UNC13B: variants seen among roughly 807,000 people sequenced by gnomAD.
UNC13B encodes protein unc-13 homolog B.
Under a neutral mutation model 211.0 loss-of-function variants are expected in UNC13B, and 144 were observed. The ratio of observed to expected loss-of-function variants is 0.68; its 90% confidence interval spans 0.60 to 0.78. The LOEUF (loss-of-function observed/expected upper bound fraction) is 0.78. Among genes scored for constraint, UNC13B ranks in the 30% least tolerant of loss-of-function variants. The pLI is 0.00. For missense variants in UNC13B, 1,777 were observed against 2,002.0 expected (o/e 0.89, Z 2.14); for synonymous variants, 709 against 725.8 (o/e 0.98, Z 0.37).
intron 7 of UNC13B, among the ~76,000 whole-genome samples, chr9:35,265,374 C>T (rs1352554424): frequency 6.6e-6 from 1 of 152,236 alleles, no homozygotes; most frequent in Non-Finnish European, 1.5e-5. Flanking sequence ...TGACCATCTG[C>T]AAGCCAGGAA....
At chr9:35,294,256 G>T (rs899671111) in intron 7 of UNC13B, among the ~76,000 whole-genome samples, 2 of 151,392 alleles carry the variant, frequency 1.3e-5, no homozygotes, top group Non-Finnish European at 2.9e-5. Flanking sequence ...AATTGTAAAA[G>T]CCTAATCTTA....
chr9:35,236,435 A>G (rs778338016), intron 3 of UNC13B, 34 bp from the exon 4 acceptor site: 1 of 1,549,038 alleles, frequency 6.5e-7, no homozygotes. Context: ...CATATTGTCT[A>G]GCTTTCCTCA....
chr9:35,314,390 T>C (rs1016416816), intron 11 of UNC13B, among the ~76,000 whole-genome samples: 1 of 152,120 alleles, frequency 6.6e-6, no homozygotes, highest in Non-Finnish European at 1.5e-5. Context: ...ATCTATGGAA[T>C]TTGCCAGTTT....
intron 8 of UNC13B, among the ~76,000 whole-genome samples, chr9:35,297,829 G>A (rs569919324): frequency 2.0e-5 from 3 of 152,064 alleles, no homozygotes; most frequent in East Asian, 3.9e-4. Context: ...GATTACAGGC[G>A]TGAGCCACCG....
intron 17 of UNC13B, among the ~76,000 whole-genome samples, chr9:35,380,028 CA>C (rs1031352522): frequency 6.6e-6 from 1 of 152,114 alleles, no homozygotes; most frequent in Non-Finnish European, 1.5e-5. Context: ...GATAGAAAGC[CA>C]AACAGTTATA....
At chr9:35,181,817 CAG>C (rs1415460770) in intron 1 of UNC13B, among the ~76,000 whole-genome samples, 15 of 152,110 alleles carry the variant, frequency 9.9e-5, no homozygotes, top group Admixed American at 7.9e-4. Context: ...GCGTGGGTGA[CAG>C]AGACTCTGTC....
chr9:35,380,591 A>G lies in UNC13B; in HGVS notation c.10327A>G (p.Ile3443Val). Residue 3443 changes from isoleucine to valine, a missense_variant, in exon 18 of 40, where the codon ATT (isoleucine) becomes GTT (valine). Coordinates refer to ENST00000635942, the MANE Select transcript of UNC13B (RefSeq NM_001371189.2). ...ESDDFLGQTI[I>V]EVRTLSGEMD... ...TGATGATTTCCTTGGCCAAACCATC[A>G]TTGAGGTTCGGACCCTAAGTGGCGA... is the stretch of plus-strand genomic sequence containing the variant. The G allele has an allele frequency of 6.2e-7, 1 of 1,614,224 alleles. No individual in the cohort carries two copies. The highest frequency in any genetic ancestry group is 8.5e-7 in the Non-Finnish European group (1 of 1,180,032).
chr9:35,274,940 C>G (rs1474565470), intron 7 of UNC13B, among the ~76,000 whole-genome samples: 1 of 152,104 alleles, frequency 6.6e-6, no homozygotes, highest in African/African-American at 2.4e-5. Flanking sequence ...GGGTTTGGAG[C>G]TTTTTGTTCA....
chr9:35,257,400 ATTTATATAAATATTTATAAAAAAT>A (rs1826980914), intron 6 of UNC13B, among the ~76,000 whole-genome samples: 1 of 89,594 alleles, frequency 1.1e-5, no homozygotes, highest in Non-Finnish European at 2.1e-5. Flanking sequence ...TTATAAAAAT[ATTTATATAAATATTTATAAAAAAT>A]ATAAATATTA....
At chr9:35,193,859 C>A (rs1822796098) in intron 1 of UNC13B, among the ~76,000 whole-genome samples, 1 of 152,036 alleles carries the variant, frequency 6.6e-6, no homozygotes. Context: ...GGAAGCTAGG[C>A]TGTTTTTGGT....
At chr9:35,210,176 T>A (rs955184840) in intron 1 of UNC13B, among the ~76,000 whole-genome samples, 5 of 152,200 alleles carry the variant, frequency 3.3e-5, no homozygotes, top group Admixed American at 6.5e-5. Context: ...CCTTATTCCA[T>A]ATTTTGAGCG....
chr9:35,166,677 G>A lies in UNC13B; in HGVS notation c.22+4372G>A, dbSNP rs541647425. Among the ~76,000 whole-genome samples the A allele has an allele frequency of 6.6e-5, 10 of 152,108 alleles. No individual in the cohort carries two copies. In the East Asian group the frequency reaches 1.9e-3, roughly 29 times the overall value. On this transcript the variant is annotated intron_variant, in intron 1 of 39. Coordinates refer to ENST00000635942, the MANE Select transcript of UNC13B (RefSeq NM_001371189.2). ...CTTTTTAATTCATTGTTTTCATTTT[G>A]TTTTTATTATAAGGTGATAAATATA...
chr9:35,199,269 TC>T (rs1426367085), intron 1 of UNC13B, among the ~76,000 whole-genome samples: 5 of 152,150 alleles, frequency 3.3e-5, no homozygotes, highest in African/African-American at 7.2e-5. Context: ...TGGTTGCAAG[TC>T]TTTGCTATTG....
At chr9:35,250,726 A>G (rs1176090528) in intron 6 of UNC13B, among the ~76,000 whole-genome samples, 1 of 152,144 alleles carries the variant, frequency 6.6e-6, no homozygotes, top group East Asian at 1.9e-4. Context: ...TAACTGATAG[A>G]CTGCCAGCCT....
Position 35,210,655 on chromosome 9 carries a change from C to G in UNC13B, c.23-17360C>G, listed in dbSNP as rs1282466464. On this transcript the variant is annotated intron_variant, in intron 1 of 39. Transcript: ENST00000635942. ...TCTCATTCCTCAGCCTCCCGAGTAG[C>G]TGGGACTACAGGCATGTGCCACCAT... is the stretch of plus-strand genomic sequence containing the variant. 2.6e-5 allele frequency among the ~76,000 whole-genome samples: 4 copies of G among 152,212 alleles called. No homozygotes were observed. The East Asian group carries it at 7.7e-4, about 29-fold the overall frequency.
intron 11 of UNC13B, among the ~76,000 whole-genome samples, chr9:35,343,373 T>C (rs372242080): frequency 1.3e-5 from 2 of 152,314 alleles, no homozygotes; most frequent in East Asian, 1.9e-4. Context: ...GAAATTATGT[T>C]CTTGTCTGTG....
chr9:35,322,124 G>A (rs1830765865), intron 11 of UNC13B, among the ~76,000 whole-genome samples: 1 of 152,192 alleles, frequency 6.6e-6, no homozygotes, highest in African/African-American at 2.4e-5. Flanking sequence ...GTCACTTGAG[G>A]GAAGAGGTTA....
At chr9:35,397,608 C>CT in intron 29 of UNC13B, 27 bp from the exon 30 acceptor site, 1 of 1,603,256 alleles carries the variant, frequency 6.2e-7, no homozygotes, top group South Asian at 1.1e-5. Context: ...GTTCCCTTTC[C>CT]TTTTCTTTCC....
In UNC13B at chr9:35,378,283, C is replaced by G. The variant is rs377586561; in HGVS notation, c.10064-12C>G. 1 of 1,614,064 alleles carries G rather than the reference C, an allele frequency of 6.2e-7. No individual in the cohort carries two copies. The highest frequency in any genetic ancestry group is 8.5e-7 in the Non-Finnish European group (1 of 1,179,982). The stretch of plus-strand genomic sequence containing the variant: ...ACGACTCTGAAGCCTCCTATACATG[C>G]TTGGGTTGCAGTGGTGTGTGCCCAG... On this transcript the variant is annotated splice_polypyrimidine_tract_variant and intron_variant, in intron 16 of 39. Coordinates refer to ENST00000635942, the MANE Select transcript of UNC13B (RefSeq NM_001371189.2).
Sources: allele counts gnomAD v4.1 joint callset (sites outside exome capture counted in the v4.1 genomes callset), GRCh38; gene constraint gnomAD v4.1.1; transcripts MANE v1.5; gene names NCBI Gene and HGNC (gene_info 2026-07-23, HGNC 2026-07-21).